Variants in IL4R observed in about 807,000 individuals in gnomAD.
The protein encoded by IL4R is interleukin-4 receptor subunit alpha.
Under a neutral mutation model 41.5 loss-of-function variants are expected in IL4R, and 17 were observed. The ratio of observed to expected loss-of-function variants is 0.41; its 90% CI spans 0.28 to 0.61. IL4R has a LOEUF of 0.61. Ranked by LOEUF, IL4R falls within the 20% of genes least tolerant of loss-of-function variation. The pLI is 0.31. For synonymous variants in IL4R, 402 were observed against 422.9 expected, an observed-to-expected ratio of 0.95 and a Z score of 0.61; for missense variants, 974 against 1,043.1, an observed-to-expected ratio of 0.93 and a Z score of 0.91.
At chr16:27,325,002 G>A (rs903903075) in intron 1 of IL4R, among the ~76,000 whole-genome samples, 3 of 151,872 alleles carry the variant, frequency 2.0e-5, no homozygotes, top group African/African-American at 7.3e-5. Context: ...CCCCCTCTTC[G>A]CCAGCTCTCA....
intron 7 of IL4R, 122 bp from the exon 8 acceptor site, chr16:27,355,686 C>A (rs555754606): frequency 9.4e-6 from 6 of 638,076 alleles, no homozygotes; most frequent in Middle Eastern, 4.3e-4. Context: ...GAGGGGTGGT[C>A]GGCGGTCAGA....
intron 1 of IL4R, among the ~76,000 whole-genome samples, chr16:27,328,230 T>G (rs1156770622): frequency 8.3e-6 from 1 of 120,336 alleles, no homozygotes; most frequent in South Asian, 2.7e-4. Flanking sequence ...AAAAGATTGT[T>G]GAATTTATTA....
At chr16:27,346,953 A>G (rs987126553) in intron 6 of IL4R, among the ~76,000 whole-genome samples, 1 of 152,176 alleles carries the variant, frequency 6.6e-6, no homozygotes, top group African/African-American at 2.4e-5. Context: ...GAATAACCCT[A>G]TTATTGAAGA....
At chr16:27,329,642 T>C (rs1167978990) in intron 1 of IL4R, among the ~76,000 whole-genome samples, 2 of 142,858 alleles carry the variant, frequency 1.4e-5, no homozygotes, top group Non-Finnish European at 3.0e-5. Flanking sequence ...ACGCCACTGC[T>C]CTCCAGCTTG....
chr16:27,326,791 T>A (rs1313881005), intron 1 of IL4R, among the ~76,000 whole-genome samples: 1 of 152,164 alleles, frequency 6.6e-6, no homozygotes, highest in Non-Finnish European at 1.5e-5. Context: ...TCCTGGTGGC[T>A]GCAGAGCCAG....
intron 7 of IL4R, among the ~76,000 whole-genome samples, chr16:27,354,432 C>G (rs944465828): frequency 6.6e-6 from 1 of 152,188 alleles, no homozygotes; most frequent in Non-Finnish European, 1.5e-5. Context: ...CTTTTTTAAT[C>G]AGGAAGCAAA....
rs768938613 is a variant in IL4R, at chr16:27,362,563, C to G, written c.1211C>G (p.Ala404Gly). The G allele has an allele frequency of 1.2e-6, 2 of 1,614,026 alleles. No individual in the cohort carries two copies. Among genetic ancestry groups the G allele is most frequent in the African/African-American group, 2.7e-5 (2 of 74,894 alleles). The change falls in exon 11 of 11, where the codon GCC becomes GGC. Residue 404 changes from alanine to glycine, a missense_variant. Physicochemically the swap from Ala to Gly is moderately conservative, Grantham distance 60. This residue lies in a region of IL4R where 682 missense variants were observed against 704.3 expected (regional missense o/e 0.97). Transcript: ENST00000395762. ...CAGGAGGGAAGGGAGGGCATTGTGGCCCGGCTAACAGAGAGCCTGTTCCTG... is the reference window on the plus strand; with the variant it reads ...CAGGAGGGAAGGGAGGGCATTGTGGGCCGGCTAACAGAGAGCCTGTTCCTG... ...DFQEGREGIV[A>G]RLTESLFLDL...
At chr16:27,321,731 G>A (rs2084817641) in intron 1 of IL4R, among the ~76,000 whole-genome samples, 1 of 152,108 alleles carries the variant, frequency 6.6e-6, no homozygotes, top group Admixed American at 6.5e-5. Context: ...TTTGAGTACT[G>A]CTTTGGTTTC....
chr16:27,314,901 T>C (rs2084593144), intron 1 of IL4R, among the ~76,000 whole-genome samples: 1 of 152,236 alleles, frequency 6.6e-6, no homozygotes, highest in South Asian at 2.1e-4. Flanking sequence ...TTGTCCAGGC[T>C]GGCCTCAAGT....
intron 1 of IL4R, among the ~76,000 whole-genome samples, chr16:27,326,068 C>T (rs1596763835): frequency 6.6e-6 from 1 of 152,242 alleles, no homozygotes; most frequent in South Asian, 2.1e-4. Context: ...TCTCAACCTC[C>T]CCATCTCCGC....
At chr16:27,317,281 A>G (rs578228378) in intron 1 of IL4R, among the ~76,000 whole-genome samples, 56 of 152,188 alleles carry the variant, frequency 3.7e-4, no homozygotes, top group Non-Finnish European at 7.3e-4. Flanking sequence ...GCAGGTGAGA[A>G]CTGAGACCCG....
At chr16:27,339,119 T>A (rs1467053858) in intron 2 of IL4R, among the ~76,000 whole-genome samples, 1 of 152,050 alleles carries the variant, frequency 6.6e-6, no homozygotes, top group African/African-American at 2.4e-5. Context: ...CTCCCCAAAG[T>A]GCTGGAAATA....
At chr16:27,322,875 T>C (rs2084854176) in intron 1 of IL4R, among the ~76,000 whole-genome samples, 1 of 152,178 alleles carries the variant, frequency 6.6e-6, no homozygotes. Flanking sequence ...GTGATCTTAT[T>C]CTCATTTCAC....
At chr16:27,350,145 T>A (rs945479361) in intron 6 of IL4R, among the ~76,000 whole-genome samples, 1 of 152,214 alleles carries the variant, frequency 6.6e-6, no homozygotes, top group South Asian at 2.1e-4. Context: ...CCCAAACACC[T>A]GTCCTTCTTG....
In IL4R at chr16:27,332,214, A is replaced by G. The variant is rs144052029; in HGVS notation, c.-19+2016A>G. Among the ~76,000 whole-genome samples, 3 of 152,180 alleles carry G rather than the reference A, an allele frequency of 2.0e-5. No homozygotes were observed. The East Asian group carries it at 5.8e-4, about 29-fold the overall frequency. On this transcript the variant is annotated intron_variant, in intron 2 of 10. Coordinates refer to ENST00000395762, the MANE Select transcript of IL4R (RefSeq NM_000418.4). ...GGACATGCCCAAGACTGGGTAATTT[A>G]TAAAGGAAAGAGGTTTGACTCACAG...
chr16:27,344,041 G>A (rs3024556), intron 4 of IL4R, among the ~76,000 whole-genome samples: 44,117 of 151,826 alleles, frequency 0.29, 6,646 homozygotes, highest in East Asian at 0.52. Flanking sequence ...GTGGTGGCTC[G>A]CGGCTGTAAT....
intron 1 of IL4R, among the ~76,000 whole-genome samples, chr16:27,315,804 C>G (rs2084629991): frequency 1.3e-5 from 2 of 152,140 alleles, no homozygotes; most frequent in Admixed American, 6.5e-5. Context: ...AATGCAGATT[C>G]CTGGGCCCCA....
intron 2 of IL4R, among the ~76,000 whole-genome samples, chr16:27,333,398 A>C (rs2085166993): frequency 6.6e-6 from 1 of 151,994 alleles, no homozygotes; most frequent in African/African-American, 2.4e-5. Flanking sequence ...CTGCAGTTTT[A>C]GGAGATGAGA....
Position 27,363,377 on chromosome 16 carries a change from A to G in IL4R, c.2025A>G (p.Pro675=), listed in dbSNP as rs758065266. 3 of 1,614,122 alleles carry G rather than the reference A, an allele frequency of 1.9e-6. No homozygotes were observed. The highest frequency in any genetic ancestry group is 2.5e-6 in the Non-Finnish European group (3 of 1,180,004). ...GCTCACATCTCCCAAGCAGCTCCCC[A>G]GAGCACCTGGGTCTGGAGCCGGGGG... The part of the protein sequence containing the change: ...PQSSHLPSSS[P]EHLGLEPGEK... The change falls in exon 11 of 11, where the codon CCA becomes CCG. Residue 675 remains proline, a synonymous_variant. Transcript: ENST00000395762.
Sources: gnomAD v4.1 joint callset for allele counts (sites outside exome capture counted in the v4.1 genomes callset) on GRCh38, gnomAD v4.1.1 for gene constraint, gnomAD v4.1.1 regional missense constraint, MANE v1.5 for transcripts, NCBI Gene and HGNC (gene_info 2026-07-23, HGNC 2026-07-21) for gene names.